The following AGBL4 variants were observed in gnomAD, a reference collection of about 807,000 sequenced individuals.
AGBL4 encodes the protein AGBL carboxypeptidase 4.
AGBL4 carries 58 observed loss-of-function variants against 66.4 expected under a neutral mutation model. The observed-to-expected ratio is 0.87, with a 90% CI of 0.71 to 1.09. The LOEUF (loss-of-function observed/expected upper bound fraction) is 1.09, where lower values mean the gene tolerates loss of function less well. Ranked by LOEUF, AGBL4 falls within the 50% of genes least tolerant of loss-of-function variation. The probability of loss-of-function intolerance (pLI) is 0.00; values close to 1 mark genes in which losing one functional copy is unlikely to be tolerated. For missense variants in AGBL4, 579 were observed against 631.0 expected (o/e 0.92, Z 0.88); for synonymous variants, 234 against 222.9 (o/e 1.05, Z -0.44).
chr1:49,650,344 GTGAGAGTGTTTCTT>G (rs1156603615), intron 3 of AGBL4, among the ~76,000 whole-genome samples: 1 of 152,200 alleles, frequency 6.6e-6, no homozygotes, highest in African/African-American at 2.4e-5. Context: ...GAAAGGGTAA[GTGAGAGTGTTTCTT>G]TGCTCCCCTC....
chr1:49,641,471 C>T (rs948393428), intron 3 of AGBL4, among the ~76,000 whole-genome samples: 3 of 152,060 alleles, frequency 2.0e-5, no homozygotes, highest in Non-Finnish European at 2.9e-5. Flanking sequence ...CATGAGACTG[C>T]AACATTTCGT....
intron 6 of AGBL4, among the ~76,000 whole-genome samples, chr1:48,853,330 C>A (rs1647074214): frequency 1.3e-5 from 2 of 152,206 alleles, no homozygotes; most frequent in African/African-American, 4.8e-5. Context: ...AAGCCAAAAC[C>A]ATCCAGCTAA....
At chr1:49,565,103 G>GT (rs1461868692) in intron 3 of AGBL4, among the ~76,000 whole-genome samples, 3 of 152,252 alleles carry the variant, frequency 2.0e-5, no homozygotes, top group South Asian at 2.1e-4. Flanking sequence ...TTTAAAGTCT[G>GT]TTTTTTCTGA....
chr1:48,929,801 C>G (rs370528546), intron 5 of AGBL4, among the ~76,000 whole-genome samples: 1 of 152,148 alleles, frequency 6.6e-6, no homozygotes, highest in South Asian at 2.1e-4. Context: ...CTTCTAACAT[C>G]GGGACTCATT....
intron 5 of AGBL4, among the ~76,000 whole-genome samples, chr1:48,911,331 G>A (rs1490688867): frequency 6.6e-6 from 1 of 152,058 alleles, no homozygotes; most frequent in African/African-American, 2.4e-5. Context: ...AAATCATAAG[G>A]ACCTGGCCGG....
chr1:49,336,508 CAT>C (rs1434853684), intron 3 of AGBL4, among the ~76,000 whole-genome samples: 1 of 152,224 alleles, frequency 6.6e-6, no homozygotes, highest in Non-Finnish European at 1.5e-5. Flanking sequence ...TAAGTTGACA[CAT>C]AAAATGAATC....
chr1:48,574,115 A>T (rs1644611687), intron 11 of AGBL4, among the ~76,000 whole-genome samples: 1 of 152,230 alleles, frequency 6.6e-6, no homozygotes, highest in African/African-American at 2.4e-5. Context: ...CATATGGCTG[A>T]TTTCTTCAAA....
chr1:49,585,704 T>C (rs567460037), intron 3 of AGBL4, among the ~76,000 whole-genome samples: 1 of 152,280 alleles, frequency 6.6e-6, no homozygotes, highest in South Asian at 2.1e-4. Flanking sequence ...ATAATAAATA[T>C]GCTATTTTAA....
intron 2 of AGBL4, among the ~76,000 whole-genome samples, chr1:49,722,692 A>G (rs1648702194): frequency 6.6e-6 from 1 of 152,184 alleles, no homozygotes; most frequent in South Asian, 2.1e-4. Context: ...GGCAGTCAAA[A>G]GATCTGATTT....
At chr1:48,734,918 T>C (rs1222382522) in intron 6 of AGBL4, among the ~76,000 whole-genome samples, 1 of 152,198 alleles carries the variant, frequency 6.6e-6, no homozygotes, top group Non-Finnish European at 1.5e-5. Flanking sequence ...ATGGCAGACC[T>C]GGACACTAGT....
At chr1:48,915,500 C>G (rs1380777668) in intron 5 of AGBL4, among the ~76,000 whole-genome samples, 1 of 152,192 alleles carries the variant, frequency 6.6e-6, no homozygotes, top group Non-Finnish European at 1.5e-5. Flanking sequence ...TAGCTTTGAG[C>G]CCAGGGACTG....
intron 4 of AGBL4, among the ~76,000 whole-genome samples, chr1:49,125,042 T>G (rs1184679963): frequency 2.0e-5 from 3 of 152,076 alleles, no homozygotes; most frequent in African/African-American, 7.2e-5. Context: ...GGGAAACATT[T>G]CACCAAGTGA....
intron 3 of AGBL4, among the ~76,000 whole-genome samples, chr1:49,525,458 G>C (rs1650582712): frequency 6.6e-6 from 1 of 151,986 alleles, no homozygotes; most frequent in Non-Finnish European, 1.5e-5. Context: ...CTTAAAGGCA[G>C]TAATGAGCTT....
chr1:49,742,087 A>G (rs1224842601), intron 2 of AGBL4, among the ~76,000 whole-genome samples: 1 of 152,242 alleles, frequency 6.6e-6, no homozygotes, highest in Non-Finnish European at 1.5e-5. Flanking sequence ...AAGGCATTCA[A>G]TTAGGAAGAG....
chr1:49,723,543 C>T (rs1490516964), intron 2 of AGBL4, among the ~76,000 whole-genome samples: 1 of 152,096 alleles, frequency 6.6e-6, no homozygotes, highest in Non-Finnish European at 1.5e-5. Flanking sequence ...CAAAGATATA[C>T]AATCTTGGCA....
Position 49,250,950 on chromosome 1 carries a change from C to T in AGBL4, c.283-5086G>A, listed in dbSNP as rs139735087. Among the ~76,000 whole-genome samples the T allele has an allele frequency of 4.1e-3, 629 of 152,222 alleles. 8 individuals are homozygous for T. Among genetic ancestry groups the T allele is most frequent in the Non-Finnish European group, 6.3e-3 (428 of 68,014 alleles). On this transcript the variant is annotated intron_variant, in intron 3 of 13. Coordinates refer to ENST00000371839, the MANE Select transcript of AGBL4 (RefSeq NM_032785.4). The stretch of plus-strand genomic sequence containing the variant: ...TGCAGGGGCATCTGTAGTGGAGCAC[C>T]GCCAGGGACCACCATCCCCCTAGGC...
chr1:48,846,292 T>C (rs771747295), intron 6 of AGBL4, among the ~76,000 whole-genome samples: 3 of 148,398 alleles, frequency 2.0e-5, no homozygotes, highest in South Asian at 4.2e-4. Flanking sequence ...TCAAGATTTG[T>C]AAGATAGATA....
chr1:49,595,842 A>T (rs1274260248), intron 3 of AGBL4, among the ~76,000 whole-genome samples: 1 of 152,198 alleles, frequency 6.6e-6, no homozygotes, highest in Non-Finnish European at 1.5e-5. Context: ...TCCTAGCAGA[A>T]CTACATAGCC....
intron 3 of AGBL4, among the ~76,000 whole-genome samples, chr1:49,655,291 TC>T (rs1361209338): frequency 1.1e-4 from 16 of 152,246 alleles, no homozygotes; most frequent in African/African-American, 3.6e-4. Flanking sequence ...TTGTAGAGTT[TC>T]TGCCAAGAGA....
Sources: allele counts gnomAD v4.1 joint callset (sites outside exome capture counted in the v4.1 genomes callset), GRCh38; gene constraint gnomAD v4.1.1; transcripts MANE v1.5; gene names NCBI Gene and HGNC (gene_info 2026-07-23, HGNC 2026-07-21).